Variants in MARCO observed in about 807,000 individuals in gnomAD.
The protein encoded by MARCO is macrophage receptor MARCO.
A neutral mutation model predicts 70.0 loss-of-function variants in MARCO; 72 were observed. That is an observed-to-expected ratio of 1.03 (90% CI 0.85 to 1.25). MARCO has a LOEUF of 1.25. Among genes scored for constraint, MARCO ranks in the 50% most tolerant of loss-of-function variants. The probability of loss-of-function intolerance (pLI) is 0.00; values close to 1 mark genes in which losing one functional copy is unlikely to be tolerated. For synonymous variants in MARCO, 273 were observed against 243.1 expected, an observed-to-expected ratio of 1.12 and a Z score of -1.14; for missense variants, 696 against 659.3, an observed-to-expected ratio of 1.06 and a Z score of -0.61.
At position 118,977,873 on chromosome 2, in the gene MARCO, G is replaced by C; in HGVS notation, c.704G>C (p.Gly235Ala). Residue 235 changes from glycine (G) to alanine (A), a missense_variant, in exon 8 of 17, where the codon GGT becomes GCT. Physicochemically the swap from Gly to Ala is moderately conservative, Grantham distance 60. Coordinates refer to ENST00000327097, the MANE Select transcript of MARCO (RefSeq NM_006770.4). ...QGEKGSKGDG[G>A]LIGPKGETGT... Reference sequence around the variant, plus strand: ...GAGAAGGGCAGCAAAGGCGATGGGGGTCTCATTGGCCCAAAAGGGGAAACT... The same window carrying C: ...GAGAAGGGCAGCAAAGGCGATGGGGCTCTCATTGGCCCAAAAGGGGAAACT... 2.5e-6 allele frequency: 4 copies of C among 1,613,116 alleles called. No homozygotes were observed. The highest frequency in any genetic ancestry group is 3.4e-6 in the Non-Finnish European group (4 of 1,179,640).
chr2:118,972,313 G>A (rs573547314), intron 4 of MARCO, among the ~76,000 whole-genome samples: 1 of 152,174 alleles, frequency 6.6e-6, no homozygotes, highest in Non-Finnish European at 1.5e-5. Flanking sequence ...TTCCCCCTGA[G>A]GATAAATATA....
chr2:118,957,105 C>A (rs774947185), intron 1 of MARCO, among the ~76,000 whole-genome samples: 1 of 151,760 alleles, frequency 6.6e-6, no homozygotes, highest in Non-Finnish European at 1.5e-5. Context: ...ACAAACCAAA[C>A]GCAAACCCAG....
In MARCO at chr2:118,970,205, G is replaced by T. The variant is rs777531734; in HGVS notation, c.291G>T (p.Leu97=). Residue 97 remains leucine (L), a synonymous_variant, in exon 3 of 17, where the codon CTG becomes CTT. Transcript: ENST00000327097. ...AGGACAGCCCGTCCTTCTCCTTGCTGCAGTCAGCACACCCTGGAGAACACC... is the reference window on the plus strand; with the variant it reads ...AGGACAGCCCGTCCTTCTCCTTGCTTCAGTCAGCACACCCTGGAGAACACC... ...AAEDSPSFSL[L]QSAHPGEHLA... is the part of the protein sequence containing the mutation. The T allele has an allele frequency of 2.5e-6, 4 of 1,614,002 alleles. No homozygotes were observed. The highest frequency in any genetic ancestry group is 3.4e-6 in the Non-Finnish European group (4 of 1,180,034).
intron 3 of MARCO, among the ~76,000 whole-genome samples, chr2:118,970,596 G>A (rs1680147320): frequency 6.6e-6 from 1 of 152,172 alleles, no homozygotes; most frequent in African/African-American, 2.4e-5. Context: ...ACTGACATGA[G>A]GTTGGGGAGA....
chr2:118,981,580 C>T (rs1358229536), intron 9 of MARCO, 41 bp from the exon 10 acceptor site: 2 of 1,597,760 alleles, frequency 1.3e-6, no homozygotes, highest in Non-Finnish European at 1.7e-6. Context: ...CTGGCTGAGC[C>T]AAAGGAAAAA....
At chr2:118,946,446 AT>A (rs1553460371) in intron 1 of MARCO, among the ~76,000 whole-genome samples, 12 of 151,306 alleles carry the variant, frequency 7.9e-5, no homozygotes, top group African/African-American at 1.7e-4. Context: ...TTTAAGATTG[AT>A]TTTTTTTTCA....
At chr2:118,975,880 A>T (rs183596624) in intron 6 of MARCO, among the ~76,000 whole-genome samples, 45 of 152,220 alleles carry the variant, frequency 3.0e-4, no homozygotes, top group Non-Finnish European at 5.3e-4. Flanking sequence ...GCACATATGC[A>T]TATGCTCACA....
intron 16 of MARCO, among the ~76,000 whole-genome samples, chr2:118,993,914 T>C (rs1680671945): frequency 6.6e-6 from 1 of 152,226 alleles, no homozygotes; most frequent in Non-Finnish European, 1.5e-5. Context: ...CTATAGGATC[T>C]GGCCCAGCAG....
At chr2:118,976,017 G>T (rs879304246) in intron 6 of MARCO, among the ~76,000 whole-genome samples, 6 of 152,118 alleles carry the variant, frequency 3.9e-5, no homozygotes, top group Non-Finnish European at 8.8e-5. Context: ...GAGAGAGAGG[G>T]ACTCAGGCTA....
At chr2:118,960,242 GC>G (rs1395541917) in intron 1 of MARCO, among the ~76,000 whole-genome samples, 1 of 151,912 alleles carries the variant, frequency 6.6e-6, no homozygotes, top group Non-Finnish European at 1.5e-5. Context: ...CAAACTGTAT[GC>G]CTTTTATTTC....
chr2:118,990,749 G>T lies in MARCO; in HGVS notation c.1108+116G>T, dbSNP rs1322469881. On this transcript the variant is annotated intron_variant, in intron 13 of 16. Coordinates refer to ENST00000327097, the MANE Select transcript of MARCO (RefSeq NM_006770.4). ...AGCTGTGACCTTCTCCCAAAGTGGA[G>T]GTTAAGACTCCAGGGCTCTGTCACT... is the stretch of plus-strand genomic sequence containing the variant. 3.0e-6 allele frequency: 3 copies of T among 1,001,104 alleles called. No individual in the cohort carries two copies. In the Admixed American group the frequency reaches 6.0e-5, roughly 20 times the overall value. 62.0% of individuals were successfully genotyped at this position (1,001,104 alleles called of 1,614,324 possible). A position where few individuals can be genotyped will look rare whatever the true frequency, so the allele number is the denominator to read the frequency against.
chr2:118,942,530 T>G, intron 1 of MARCO, 133 bp downstream of exon 1: 1 of 663,666 alleles, frequency 1.5e-6, no homozygotes, highest in Non-Finnish European at 2.7e-6. Context: ...TCATCACTAA[T>G]ACTGTCTGGA....
intron 12 of MARCO, among the ~76,000 whole-genome samples, chr2:118,986,608 A>G (rs181109452): frequency 0.092 from 2,000 of 21,630 alleles, 44 homozygotes; most frequent in East Asian, 0.12. Context: ...AAAGAAAGAA[A>G]GAAAGAAAGA....
At chr2:118,942,442 C>A in intron 1 of MARCO, 45 bp downstream of exon 1, 2 of 1,438,184 alleles carry the variant, frequency 1.4e-6, no homozygotes, top group Non-Finnish European at 2.0e-6. Context: ...GAAATGTAGT[C>A]TTTCTGCTAG....
intron 6 of MARCO, among the ~76,000 whole-genome samples, chr2:118,975,732 A>T (rs912125907): frequency 1.3e-5 from 2 of 152,090 alleles, no homozygotes. Context: ...ATGCACACAC[A>T]TGCACTCACA....
At chr2:118,974,034 C>T (rs1680226614) in intron 4 of MARCO, among the ~76,000 whole-genome samples, 1 of 152,138 alleles carries the variant, frequency 6.6e-6, no homozygotes, top group Admixed American at 6.5e-5. Flanking sequence ...ACACTAATTC[C>T]ATCTTACTGA....
chr2:118,992,350 C>T (rs1680638817), intron 14 of MARCO, 82 bp from the exon 15 acceptor site: 2 of 1,163,706 alleles, frequency 1.7e-6, no homozygotes, highest in African/African-American at 1.5e-5. Flanking sequence ...AACCCTCCAC[C>T]CGCTCCCCAC....
At chr2:118,944,442 A>G (rs761330313) in intron 1 of MARCO, among the ~76,000 whole-genome samples, 3 of 152,094 alleles carry the variant, frequency 2.0e-5, no homozygotes, top group Non-Finnish European at 4.4e-5. Context: ...GGCTCTGCAC[A>G]TTACTTATTT....
At chr2:118,992,515 AG>A in intron 15 of MARCO, 39 bp downstream of exon 15, 1 of 1,523,652 alleles carries the variant, frequency 6.6e-7, no homozygotes, top group Non-Finnish European at 9.1e-7. Context: ...TGTGCTTTAA[AG>A]TCAATTCTGC....
Sources: gnomAD v4.1 joint callset for allele counts (sites outside exome capture counted in the v4.1 genomes callset) on GRCh38, gnomAD v4.1.1 for gene constraint, MANE v1.5 for transcripts, NCBI Gene and HGNC (gene_info 2026-07-23, HGNC 2026-07-21) for gene names.